GPHN: variants seen among roughly 807,000 people sequenced by gnomAD.
The protein encoded by GPHN is gephyrin.
A neutral mutation model predicts 95.5 loss-of-function variants in GPHN; 17 were observed. The ratio of observed to expected loss-of-function variants is 0.18; its 90% CI spans 0.12 to 0.27. The LOEUF is 0.27. GPHN is among the 10% of genes least tolerant of loss of function. GPHN has a pLI of 1.00. For synonymous variants in GPHN, 320 were observed against 322.5 expected, an observed-to-expected ratio of 0.99 and a Z score of 0.08; for missense variants, 660 against 978.1, an observed-to-expected ratio of 0.67 and a Z score of 4.34.
chr14:67,212,062 A>C, the GPHN span, among the ~76,000 whole-genome samples: 15 of 152,236 alleles, frequency 9.9e-5, no homozygotes, highest in East Asian at 2.9e-3. Flanking sequence ...TAAAATGAAT[A>C]ATAGAATGCA....
intron 1 of GPHN, among the ~76,000 whole-genome samples, chr14:66,581,361 T>G (rs1331589802): frequency 1.3e-5 from 2 of 151,904 alleles, no homozygotes; most frequent in Non-Finnish European, 2.9e-5. Context: ...GTAAGATGTT[T>G]CATGTAAACC....
At chr14:67,381,761 T>TA in the GPHN span, 1 of 1,158,400 alleles carries the variant, frequency 8.6e-7, no homozygotes, top group South Asian at 1.4e-5. Context: ...GATCTTTGTT[T>TA]CTTTTTTTTT....
At chr14:67,552,257 G>A in the GPHN span, among the ~76,000 whole-genome samples, 2 of 152,208 alleles carry the variant, frequency 1.3e-5, no homozygotes. Context: ...CATGGTCCTA[G>A]AGGACCCTGG....
intron 9 of GPHN, among the ~76,000 whole-genome samples, chr14:66,972,088 TA>T (rs1161478509): frequency 6.6e-6 from 1 of 151,448 alleles, no homozygotes; most frequent in East Asian, 1.9e-4. Flanking sequence ...GCCAACATGG[TA>T]AAACCCTGTC....
chr14:67,346,470 C>G, the GPHN span, among the ~76,000 whole-genome samples: 1 of 152,188 alleles, frequency 6.6e-6, no homozygotes, highest in South Asian at 2.1e-4. Context: ...TGCCACCAGG[C>G]CCAGCTAATT....
At chr14:67,559,671 G>C in the GPHN span, 26 of 1,606,122 alleles carry the variant, frequency 1.6e-5, no homozygotes, top group Non-Finnish European at 2.2e-5. Flanking sequence ...CAAGGAATGG[G>C]TGACACTCAA....
At chr14:66,869,035 G>A (rs888551664) in intron 4 of GPHN, among the ~76,000 whole-genome samples, 13 of 152,192 alleles carry the variant, frequency 8.5e-5, no homozygotes, top group African/African-American at 2.6e-4. Context: ...ATTTTAGACC[G>A]ACTAGTTCAG....
the GPHN span, among the ~76,000 whole-genome samples, chr14:67,455,651 G>C: frequency 6.6e-6 from 1 of 152,132 alleles, no homozygotes; most frequent in African/African-American, 2.4e-5. Context: ...GGAAATTTCT[G>C]CTTCCCTTTA....
the GPHN span, chr14:67,397,534 G>T: frequency 1.3e-6 from 1 of 745,926 alleles, no homozygotes; most frequent in Non-Finnish European, 2.1e-6. Flanking sequence ...GCGGAGCCAG[G>T]ATTTGAATCC....
At chr14:66,766,150 T>TCTTCC (rs1244100984) in intron 2 of GPHN, among the ~76,000 whole-genome samples, 81 of 152,174 alleles carry the variant, frequency 5.3e-4, no homozygotes, top group African/African-American at 1.9e-3. Context: ...GGAATCCAAG[T>TCTTCC]GGAAAATGAC....
chr14:66,713,925 C>T (rs144467173), intron 2 of GPHN, among the ~76,000 whole-genome samples: 422 of 152,192 alleles, frequency 2.8e-3, no homozygotes, highest in African/African-American at 9.8e-3. Flanking sequence ...TGTGCCACCA[C>T]ACCTGGCTAA....
intron 1 of GPHN, among the ~76,000 whole-genome samples, chr14:66,524,894 A>T (rs954465159): frequency 1.3e-5 from 2 of 151,426 alleles, no homozygotes; most frequent in African/African-American, 4.8e-5. Context: ...TATCCAGTCT[A>T]TCATTGATGG....
the GPHN span, among the ~76,000 whole-genome samples, chr14:67,395,804 G>T: frequency 2.6e-5 from 4 of 152,334 alleles, no homozygotes; most frequent in African/African-American, 7.2e-5. Flanking sequence ...GGACAAGGTA[G>T]TTACTGTAGG....
intron 4 of GPHN, among the ~76,000 whole-genome samples, chr14:66,848,092 AC>A (rs749920200): frequency 2.6e-5 from 4 of 152,124 alleles, no homozygotes; most frequent in Non-Finnish European, 4.4e-5. Flanking sequence ...AATACAAACC[AC>A]CACCAGACTT....
the GPHN span, among the ~76,000 whole-genome samples, chr14:67,293,559 G>C: frequency 6.6e-6 from 1 of 152,048 alleles, no homozygotes; most frequent in African/African-American, 2.4e-5. Context: ...TTTCTCACTT[G>C]TCATATTTAC....
chr14:67,629,407 T>C, the GPHN span, among the ~76,000 whole-genome samples: 1 of 152,222 alleles, frequency 6.6e-6, no homozygotes, highest in African/African-American at 2.4e-5. Context: ...GAGGACATTA[T>C]GCTAAGTGAA....
At chr14:67,568,928 A>G in the GPHN span, 382 of 543,892 alleles carry the variant, frequency 7.0e-4, 5 homozygotes, top group African/African-American at 6.7e-3. Flanking sequence ...TGATTCTCAC[A>G]GCAGCCTGAA....
At chr14:66,915,982 C>T (rs1357879023) in intron 5 of GPHN, 21 bp from the exon 6 acceptor site, 3 of 1,434,182 alleles carry the variant, frequency 2.1e-6, no homozygotes, top group African/African-American at 2.8e-5. Flanking sequence ...TAGTGTTCAT[C>T]TACTTTCTCT....
At chr14:67,509,370 G>A in the GPHN span, among the ~76,000 whole-genome samples, 1 of 151,760 alleles carries the variant, frequency 6.6e-6, no homozygotes, top group Admixed American at 6.6e-5. Context: ...CCAAGCTGGA[G>A]TGCAATGGCA....
Sources: gnomAD v4.1 joint callset for allele counts (sites outside exome capture counted in the v4.1 genomes callset) on GRCh38, gnomAD v4.1.1 for gene constraint, MANE v1.5 for transcripts, NCBI Gene and HGNC (gene_info 2026-07-23, HGNC 2026-07-21) for gene names.